Variants in MYO3B observed in about 807,000 individuals in gnomAD.
MYO3B encodes the protein myosin-IIIb.
A neutral mutation model predicts 174.6 loss-of-function variants in MYO3B; 156 were observed. That is an observed-to-expected ratio of 0.89 (90% CI 0.78 to 1.02). The LOEUF (loss-of-function observed/expected upper bound fraction) is 1.02, where lower values mean the gene tolerates loss of function less well. Among genes scored for constraint, MYO3B ranks in the 50% least tolerant of loss-of-function variants. The pLI, the probability that MYO3B is intolerant of heterozygous loss-of-function variation, is 0.00. For synonymous variants in MYO3B, 563 were observed against 569.1 expected, an observed-to-expected ratio of 0.99 and a Z score of 0.15; for missense variants, 1,632 against 1,639.4, an observed-to-expected ratio of 1.00 and a Z score of 0.08.
intron 32 of MYO3B, chr2:170,646,817 T>G: frequency 1.4e-6 from 1 of 723,738 alleles, no homozygotes; most frequent in Non-Finnish European, 2.2e-6. Context: ...AGAGAAGCAG[T>G]AACAATTGTT....
At chr2:170,259,063 TG>T (rs1048208337) in intron 7 of MYO3B, among the ~76,000 whole-genome samples, 13 of 152,158 alleles carry the variant, frequency 8.5e-5, no homozygotes, top group African/African-American at 2.2e-4. Flanking sequence ...AAATCATAGA[TG>T]ACACAAACAA....
intron 32 of MYO3B, among the ~76,000 whole-genome samples, chr2:170,650,837 C>A (rs1033958843): frequency 4.0e-5 from 6 of 151,786 alleles, no homozygotes; most frequent in Non-Finnish European, 8.8e-5. Context: ...GTGTGCACCT[C>A]CACACCCAGC....
At chr2:170,426,805 G>A (rs927304031) in intron 22 of MYO3B, among the ~76,000 whole-genome samples, 1 of 151,914 alleles carries the variant, frequency 6.6e-6, no homozygotes, top group Non-Finnish European at 1.5e-5. Flanking sequence ...GGATCATGAG[G>A]TCAGGAGTTC....
chr2:170,317,362 T>G (rs1410253337), intron 7 of MYO3B, among the ~76,000 whole-genome samples: 1 of 152,228 alleles, frequency 6.6e-6, no homozygotes, highest in East Asian at 1.9e-4. Context: ...AAAATGCAGA[T>G]TCCTGGGCCC....
chr2:170,573,050 T>C (rs778674545), intron 32 of MYO3B, among the ~76,000 whole-genome samples: 34 of 151,918 alleles, frequency 2.2e-4, no homozygotes, highest in Non-Finnish European at 3.5e-4. Flanking sequence ...ATATATTCTT[T>C]AGAGGTACAG....
Position 170,466,730 on chromosome 2 carries a change from G to A in MYO3B, c.3014+19G>A, listed in dbSNP as rs1195751331. 1.2e-6 allele frequency: 2 copies of A among 1,610,934 alleles called. No homozygotes were observed. Among genetic ancestry groups the A allele is most frequent in the Non-Finnish European group, 1.7e-6 (2 of 1,177,762 alleles). On this transcript the variant is annotated intron_variant, in intron 25 of 34. Transcript: ENST00000408978. ...TGAAAAGGTCAGACCGTCATCTACG[G>A]GAATGCATTCTTATAAATGTAGCTC...
intron 8 of MYO3B, among the ~76,000 whole-genome samples, chr2:170,367,289 A>G (rs1212604572): frequency 6.6e-6 from 1 of 152,224 alleles, no homozygotes; most frequent in Non-Finnish European, 1.5e-5. Context: ...GGTGGGATGA[A>G]TATTATGTGA....
At chr2:170,493,068 C>A (rs890045439) in intron 25 of MYO3B, among the ~76,000 whole-genome samples, 1 of 152,130 alleles carries the variant, frequency 6.6e-6, no homozygotes, top group African/African-American at 2.4e-5. Flanking sequence ...TTAAATCGGC[C>A]AAGAAATTAA....
chr2:170,603,231 C>G (rs1205977866), intron 32 of MYO3B, among the ~76,000 whole-genome samples: 1 of 152,098 alleles, frequency 6.6e-6, no homozygotes, highest in Non-Finnish European at 1.5e-5. Context: ...TCCATGAAAT[C>G]CACGCCCCCC....
intron 32 of MYO3B, among the ~76,000 whole-genome samples, chr2:170,607,940 T>C (rs6761909): frequency 0.063 from 9,628 of 152,242 alleles, 939 homozygotes; most frequent in African/African-American, 0.21. Context: ...TTGAAAGATA[T>C]GTTTTGTGAA....
chr2:170,276,185 A>AGGGG (rs1485017140), intron 7 of MYO3B, among the ~76,000 whole-genome samples: 2 of 152,194 alleles, frequency 1.3e-5, no homozygotes, highest in African/African-American at 4.8e-5. Flanking sequence ...CCAAGTCAGG[A>AGGGG]GGGGGCAATG....
At chr2:170,262,090 A>C (rs2093349780) in intron 7 of MYO3B, among the ~76,000 whole-genome samples, 1 of 152,194 alleles carries the variant, frequency 6.6e-6, no homozygotes. Context: ...GGTATAAAGA[A>C]AGGGCTCTGG....
At chr2:170,603,179 G>T (rs889652081) in intron 32 of MYO3B, among the ~76,000 whole-genome samples, 2 of 152,140 alleles carry the variant, frequency 1.3e-5, no homozygotes, top group Non-Finnish European at 2.9e-5. Context: ...CTAGGGGAAG[G>T]CCTGTGGGCA....
rs573650842 is a variant in MYO3B at position 170,635,551 on chromosome 2, C to T, written c.3734-16077C>T. Among the ~76,000 whole-genome samples the T allele has an allele frequency of 7.8e-4, 119 of 152,214 alleles. 1 individual carries two copies. Among genetic ancestry groups the T allele is most frequent in the Non-Finnish European group, 8.2e-4 (56 of 68,014 alleles). On this transcript the variant is annotated intron_variant, in intron 32 of 34. Transcript: ENST00000408978. ...ATGGGTGCAGCAAACCAACACAACA[C>T]ATGTATACATATGTAACAAACCTGC...
At chr2:170,327,859 G>T (rs2093879864) in intron 7 of MYO3B, among the ~76,000 whole-genome samples, 1 of 86,504 alleles carries the variant, frequency 1.2e-5, no homozygotes, top group African/African-American at 4.2e-5. Context: ...GGAATTATTA[G>T]CATATATATA....
At chr2:170,330,969 A>T (rs1269470408) in intron 7 of MYO3B, among the ~76,000 whole-genome samples, 1 of 152,212 alleles carries the variant, frequency 6.6e-6, no homozygotes, top group African/African-American at 2.4e-5. Flanking sequence ...GTTTGTGTGA[A>T]TTCATTCAAA....
chr2:170,606,984 C>T (rs544754732), intron 32 of MYO3B, among the ~76,000 whole-genome samples: 5 of 152,136 alleles, frequency 3.3e-5, no homozygotes, highest in Non-Finnish European at 7.4e-5. Flanking sequence ...AGCGCCATTG[C>T]ACTCCAGCCT....
chr2:170,546,217 C>A (rs1201883537), intron 32 of MYO3B, among the ~76,000 whole-genome samples: 2 of 152,134 alleles, frequency 1.3e-5, no homozygotes, highest in African/African-American at 4.8e-5. Context: ...TAATACTTAT[C>A]ACATCCTGCT....
At chr2:170,383,936 C>T in intron 12 of MYO3B, 122 bp downstream of exon 12, 2 of 737,518 alleles carry the variant, frequency 2.7e-6, no homozygotes, top group Non-Finnish European at 4.7e-6. Flanking sequence ...CCCAAAGAGA[C>T]AGGAGATGAA....
Sources: allele counts gnomAD v4.1 joint callset (sites outside exome capture counted in the v4.1 genomes callset), GRCh38; gene constraint gnomAD v4.1.1; transcripts MANE v1.5; gene names NCBI Gene and HGNC (gene_info 2026-07-23, HGNC 2026-07-21).